Variants in ENTREP2 observed in about 807,000 individuals in gnomAD.
ENTREP2 encodes endosomal transmembrane epsin interactor 2, also known as protein ENTREP2.
chr15:29,583,038 T>C, the ENTREP2 span, among the ~76,000 whole-genome samples: 2 of 152,130 alleles, frequency 1.3e-5, no homozygotes, highest in African/African-American at 2.4e-5. Context: ...GACCAAAATA[T>C]ATTGGAATAA....
At chr15:29,219,634 T>TAC in the ENTREP2 span, among the ~76,000 whole-genome samples, 1 of 30,542 alleles carries the variant, frequency 3.3e-5, no homozygotes, top group Non-Finnish European at 7.8e-5. Flanking sequence ...TATATATATA[T>TAC]ATATATATAT....
chr15:29,471,630 C>T, the ENTREP2 span, among the ~76,000 whole-genome samples: 12 of 152,246 alleles, frequency 7.9e-5, no homozygotes, highest in African/African-American at 1.2e-4. Flanking sequence ...CACGGCAGCA[C>T]GGGGGCCAAG....
the ENTREP2 span, among the ~76,000 whole-genome samples, chr15:29,183,695 T>C: frequency 3.3e-5 from 5 of 152,088 alleles, no homozygotes; most frequent in Non-Finnish European, 7.4e-5. Flanking sequence ...ACCAAATGCG[T>C]CAACTTTGAT....
chr15:29,482,161 C>T, the ENTREP2 span, among the ~76,000 whole-genome samples: 1 of 115,506 alleles, frequency 8.7e-6, no homozygotes, highest in Non-Finnish European at 1.7e-5. Flanking sequence ...CCACAGGCAG[C>T]TAATTTTTTT....
chr15:29,142,582 G>A, the ENTREP2 span, among the ~76,000 whole-genome samples: 140 of 152,152 alleles, frequency 9.2e-4, no homozygotes, highest in African/African-American at 3.1e-3. Flanking sequence ...GGGTGGTGTC[G>A]TGTCCCTGAC....
At chr15:29,589,352 C>T in the ENTREP2 span, among the ~76,000 whole-genome samples, 2 of 152,188 alleles carry the variant, frequency 1.3e-5, no homozygotes, top group East Asian at 1.9e-4. Flanking sequence ...ATTAAAACCT[C>T]GCCTTCTTGG....
the ENTREP2 span, among the ~76,000 whole-genome samples, chr15:29,524,770 G>A: frequency 3.3e-5 from 5 of 152,208 alleles, no homozygotes; most frequent in Non-Finnish European, 5.9e-5. Flanking sequence ...AACAGCAGTG[G>A]TGGACAGCGA....
chr15:29,173,287 C>T, the ENTREP2 span, among the ~76,000 whole-genome samples: 163 of 152,318 alleles, frequency 1.1e-3, 2 homozygotes, highest in African/African-American at 3.7e-3. Flanking sequence ...ACCATGGGGC[C>T]GCTGCCTAGC....
chr15:29,343,539 A>G, the ENTREP2 span, among the ~76,000 whole-genome samples: 1 of 151,746 alleles, frequency 6.6e-6, no homozygotes, highest in Non-Finnish European at 1.5e-5. Flanking sequence ...CCCCACAATC[A>G]GGTGAGTCCA....
chr15:29,259,773 T>G, the ENTREP2 span, among the ~76,000 whole-genome samples: 1 of 151,224 alleles, frequency 6.6e-6, no homozygotes, highest in East Asian at 1.9e-4. Context: ...GCCCAGGAGT[T>G]AGATACCAGC....
At chr15:29,344,737 C>G in the ENTREP2 span, among the ~76,000 whole-genome samples, 1 of 152,086 alleles carries the variant, frequency 6.6e-6, no homozygotes, top group Non-Finnish European at 1.5e-5. Flanking sequence ...CTGGGACAGA[C>G]AGCGTGTCCC....
chr15:29,276,974 T>C, the ENTREP2 span, among the ~76,000 whole-genome samples: 1 of 152,224 alleles, frequency 6.6e-6, no homozygotes, highest in Non-Finnish European at 1.5e-5. Flanking sequence ...GGTTGGGGAA[T>C]GTGCTCATCA....
chr15:29,634,970 G>A, the ENTREP2 span, among the ~76,000 whole-genome samples: 8 of 152,080 alleles, frequency 5.3e-5, no homozygotes, highest in Admixed American at 1.3e-4. Context: ...CCAGCCTCCC[G>A]AGTAGCTGGG....
the ENTREP2 span, among the ~76,000 whole-genome samples, chr15:29,299,787 T>C: frequency 6.6e-6 from 1 of 152,206 alleles, no homozygotes; most frequent in East Asian, 1.9e-4. Context: ...ATTTTATTCA[T>C]TGCTGTATCC....
the ENTREP2 span, among the ~76,000 whole-genome samples, chr15:29,452,086 C>T: frequency 6.6e-6 from 1 of 152,226 alleles, no homozygotes; most frequent in African/African-American, 2.4e-5. Flanking sequence ...CCACATTTTA[C>T]ACACTTTTCT....
chr15:29,665,158 C>A, the ENTREP2 span, among the ~76,000 whole-genome samples: 5 of 152,192 alleles, frequency 3.3e-5, no homozygotes, highest in Admixed American at 3.3e-4. Context: ...GGGCAGTGCC[C>A]CATCTCATGC....
chr15:29,284,883 C>T, the ENTREP2 span, among the ~76,000 whole-genome samples: 1 of 152,124 alleles, frequency 6.6e-6, no homozygotes, highest in African/African-American at 2.4e-5. Context: ...TCTTCATGCA[C>T]AATGGTAACG....
chr15:29,248,579 A>C, the ENTREP2 span, among the ~76,000 whole-genome samples: 5 of 152,166 alleles, frequency 3.3e-5, no homozygotes, highest in Non-Finnish European at 7.4e-5. Context: ...CATAAACATG[A>C]ATATATGACA....
chr15:29,513,832 G>C, the ENTREP2 span, among the ~76,000 whole-genome samples: 2 of 152,182 alleles, frequency 1.3e-5, no homozygotes, highest in African/African-American at 4.8e-5. Context: ...GCCAGATCTG[G>C]AGCACATTCT....
Sources: gnomAD v4.1 joint callset for allele counts (sites outside exome capture counted in the v4.1 genomes callset) on GRCh38, gnomAD v4.1.1 for gene constraint, MANE v1.5 for transcripts, NCBI Gene and HGNC (gene_info 2026-07-23, HGNC 2026-07-21) for gene names.